CCSER1: variants seen among roughly 807,000 people sequenced by gnomAD.
CCSER1 encodes the protein coiled-coil serine rich protein 1.
CCSER1 carries 41 observed loss-of-function variants against 82.0 expected under a neutral mutation model. That is an observed-to-expected ratio of 0.50 (90% CI 0.39 to 0.65). The LOEUF (loss-of-function observed/expected upper bound fraction) is 0.65, where lower values mean the gene tolerates loss of function less well. Among genes scored for constraint, CCSER1 ranks in the 30% least tolerant of loss-of-function variants. The pLI is 0.00. For synonymous variants in CCSER1, 414 were observed against 383.9 expected (o/e 1.08, Z -0.92); for missense variants, 1,119 against 1,064.2 (o/e 1.05, Z -0.72).
intron 10 of CCSER1, among the ~76,000 whole-genome samples, chr4:91,109,134 A>G (rs1358790761): frequency 6.6e-6 from 1 of 152,090 alleles, no homozygotes; most frequent in South Asian, 2.1e-4. Flanking sequence ...TTGGACTGAG[A>G]GTTACAGCAT....
chr4:90,364,892 T>G (rs1368589744), intron 3 of CCSER1, among the ~76,000 whole-genome samples: 2 of 151,642 alleles, frequency 1.3e-5, no homozygotes, highest in Non-Finnish European at 3.0e-5. Flanking sequence ...ACTAACCTAT[T>G]TTTTTTTCAT....
intron 9 of CCSER1, among the ~76,000 whole-genome samples, chr4:90,956,064 G>C (rs1044025073): frequency 6.6e-6 from 1 of 152,032 alleles, no homozygotes; most frequent in East Asian, 1.9e-4. Context: ...CTGCAAGATG[G>C]GTGTAGGACC....
intron 10 of CCSER1, among the ~76,000 whole-genome samples, chr4:91,245,200 G>T (rs567022216): frequency 2.6e-4 from 40 of 152,136 alleles, no homozygotes; most frequent in African/African-American, 8.0e-4. Context: ...AGAGGAGGTA[G>T]AGAAAGATAT....
chr4:90,463,746 TAAATA>T (rs907017426), intron 4 of CCSER1, among the ~76,000 whole-genome samples: 2 of 152,044 alleles, frequency 1.3e-5, no homozygotes, highest in Admixed American at 1.3e-4. Context: ...TAAATATGTA[TAAATA>T]AAATATAATA....
At chr4:90,465,940 A>G (rs1050415287) in intron 4 of CCSER1, among the ~76,000 whole-genome samples, 2 of 152,064 alleles carry the variant, frequency 1.3e-5, no homozygotes, top group African/African-American at 4.8e-5. Context: ...AGGACTGAAT[A>G]TACAGTATAT....
chr4:90,469,562 CACACAT>C (rs1270978290), intron 5 of CCSER1, among the ~76,000 whole-genome samples: 4 of 151,438 alleles, frequency 2.6e-5, no homozygotes, highest in Non-Finnish European at 5.9e-5. Context: ...CACACACACA[CACACAT>C]TTCCTTATCT....
intron 5 of CCSER1, among the ~76,000 whole-genome samples, chr4:90,551,727 T>C (rs1407861146): frequency 3.4e-5 from 5 of 148,446 alleles, no homozygotes. Context: ...TATATATATA[T>C]GTAATTACCT....
intron 9 of CCSER1, among the ~76,000 whole-genome samples, chr4:91,034,181 G>T (rs1373957808): frequency 6.6e-6 from 1 of 152,124 alleles, no homozygotes; most frequent in African/African-American, 2.4e-5. Flanking sequence ...TCATTGCCTG[G>T]CAATAGCAGT....
chr4:90,662,024 A>G (rs1394445811), intron 6 of CCSER1, among the ~76,000 whole-genome samples: 1 of 128,180 alleles, frequency 7.8e-6, no homozygotes, highest in African/African-American at 2.9e-5. Context: ...TTTGAGACTT[A>G]GTCTCACTCT....
At chr4:90,642,351 A>T (rs530401649) in intron 6 of CCSER1, 1 of 153,048 alleles carries the variant, frequency 6.5e-6, no homozygotes, top group East Asian at 1.9e-4. Flanking sequence ...TGAATCTAAT[A>T]ATATTCACAT....
intron 4 of CCSER1, among the ~76,000 whole-genome samples, chr4:90,444,414 T>C (rs936634638): frequency 2.6e-5 from 4 of 152,112 alleles, no homozygotes; most frequent in Non-Finnish European, 5.9e-5. Flanking sequence ...TACAAAGTTG[T>C]CATTTTTCTC....
intron 7 of CCSER1, among the ~76,000 whole-genome samples, chr4:90,815,145 G>GA (rs1390510259): frequency 6.6e-6 from 1 of 150,870 alleles, no homozygotes; most frequent in African/African-American, 2.4e-5. Context: ...GGAAGTAAGG[G>GA]ATGTCCTCCC....
chr4:90,830,225 T>C (rs1300391459), intron 8 of CCSER1, among the ~76,000 whole-genome samples: 1 of 152,218 alleles, frequency 6.6e-6, no homozygotes, highest in African/African-American at 2.4e-5. Context: ...TCATACTATG[T>C]GTCAATATTA....
Position 90,243,062 on chromosome 4 carries a change from C to CTCTCT in CCSER1, c.-41-65181_-41-65180insCTCTT, listed in dbSNP as rs1553968405. On this transcript the variant is annotated intron_variant, in intron 1 of 10. Transcript: ENST00000509176. ...ATCTCTCTCTCTTTTCTCTCTCTCT[C>CTCTCT]TTTTTTTTTTTTTTTTTTTAAAATA... 1.6e-3 allele frequency among the ~76,000 whole-genome samples: 203 copies of CTCTCT among 126,974 alleles called. 2 individuals are homozygous for CTCTCT. Among genetic ancestry groups the CTCTCT allele is most frequent in the African/African-American group, 6.1e-3 (194 of 31,950 alleles). The allele number at this position is 126,974 out of a possible 152,430, so 83.3% of individuals were successfully genotyped here.
chr4:91,209,087 G>T (rs1165543940), intron 10 of CCSER1, among the ~76,000 whole-genome samples: 1 of 151,886 alleles, frequency 6.6e-6, no homozygotes, highest in Admixed American at 6.6e-5. Context: ...TGTTGAAGTT[G>T]TTTATCAGCT....
intron 9 of CCSER1, among the ~76,000 whole-genome samples, chr4:91,057,442 A>T (rs555765356): frequency 1.3e-5 from 2 of 152,240 alleles, no homozygotes; most frequent in East Asian, 3.9e-4. Flanking sequence ...TTTTAAATTG[A>T]CAGTTTTTAT....
At chr4:90,629,240 T>C (rs1001924220) in intron 6 of CCSER1, among the ~76,000 whole-genome samples, 2 of 152,162 alleles carry the variant, frequency 1.3e-5, no homozygotes, top group Admixed American at 1.3e-4. Context: ...CCATAGACTA[T>C]TGGGGCTTCC....
intron 10 of CCSER1, among the ~76,000 whole-genome samples, chr4:91,479,676 C>T (rs9760211): frequency 0.69 from 102,620 of 149,036 alleles, 35,657 homozygotes; most frequent in East Asian, 0.91. Flanking sequence ...TTATGGAAAG[C>T]AGTTTATTCT....
At chr4:90,974,565 T>G (rs1367122715) in intron 9 of CCSER1, among the ~76,000 whole-genome samples, 1 of 151,238 alleles carries the variant, frequency 6.6e-6, no homozygotes, top group Non-Finnish European at 1.5e-5. Flanking sequence ...ACATAAAACA[T>G]ATTTTTCTCT....
Sources: gnomAD v4.1 joint callset for allele counts (sites outside exome capture counted in the v4.1 genomes callset) on GRCh38, gnomAD v4.1.1 for gene constraint, MANE v1.5 for transcripts, NCBI Gene and HGNC (gene_info 2026-07-23, HGNC 2026-07-21) for gene names.